PLEKHH2: variants seen among roughly 807,000 people sequenced by gnomAD.
PLEKHH2 encodes pleckstrin homology, MyTH4 and FERM domain containing H2, also known as pleckstrin homology domain-containing family H member 2.
PLEKHH2 carries 129 observed loss-of-function variants against 187.9 expected under a neutral mutation model. The observed-to-expected ratio is 0.69, with a 90% confidence interval of 0.59 to 0.79. The LOEUF (loss-of-function observed/expected upper bound fraction) is 0.79, where lower values mean the gene tolerates loss of function less well. PLEKHH2 is among the 30% of genes least tolerant of loss of function. PLEKHH2 has a pLI of 0.00. For synonymous variants in PLEKHH2, 686 were observed against 605.6 expected (o/e 1.13, Z -1.95); for missense variants, 2,076 against 1,751.2 (o/e 1.19, Z -3.31).
intron 1 of PLEKHH2, among the ~76,000 whole-genome samples, chr2:43,644,406 T>C (rs534619175): frequency 6.6e-6 from 1 of 151,594 alleles, no homozygotes; most frequent in South Asian, 2.1e-4. Context: ...TTTTCTGGAT[T>C]GGCTAAACTG....
rs1422888876 is a variant in PLEKHH2, at chr2:43,643,016, G to A, written c.-3-1655G>A. Among the ~76,000 whole-genome samples, 14 of 152,064 alleles carry A rather than the reference G, an allele frequency of 9.2e-5. No homozygotes were observed. In the East Asian group the frequency reaches 2.7e-3, roughly 29 times the overall value. ...GGCCTACTTTTTATTTTCTAGTATT[G>A]CATCCATATTTTCTTTCCCTGTTCG... On this transcript the variant is annotated intron_variant, in intron 1 of 29. Coordinates refer to ENST00000282406, the MANE Select transcript of PLEKHH2 (RefSeq NM_172069.4).
chr2:43,762,529 T>G (rs573454971), intron 28 of PLEKHH2, 139 bp downstream of exon 28: 7 of 588,164 alleles, frequency 1.2e-5, no homozygotes, highest in Non-Finnish European at 2.1e-5. Flanking sequence ...TCATGAACAG[T>G]CATTTTACAA....
intron 9 of PLEKHH2, among the ~76,000 whole-genome samples, chr2:43,704,662 T>TAAAAAAAAAAAAAAAAAAAAA (rs70965318): frequency 1.2e-5 from 1 of 84,292 alleles, no homozygotes; most frequent in Admixed American, 1.5e-4. Flanking sequence ...GATTCTGTCT[T>TAAAAAAAAAAAAAAAAAAAAA]AAAAAAAAAA....
chr2:43,730,752 T>TA lies in PLEKHH2; in HGVS notation c.2831-737dup, dbSNP rs548489349. Among the ~76,000 whole-genome samples, 32 of 152,348 alleles carry TA rather than the reference T, an allele frequency of 2.1e-4. No homozygotes were observed. The East Asian group carries it at 6.2e-3, about 29-fold the overall frequency. ...CCCACTGAGAGACTAGATTCTATCCTATGCTTTATACGCTAAGAGAGACCA... is the reference window on the plus strand; with the variant it reads ...CCCACTGAGAGACTAGATTCTATCCTAATGCTTTATACGCTAAGAGAGACCA... On this transcript the variant is annotated intron_variant, in intron 18 of 29. Coordinates refer to ENST00000282406, the MANE Select transcript of PLEKHH2 (RefSeq NM_172069.4).
At chr2:43,685,125 CCTAT>C (rs1668436834) in intron 3 of PLEKHH2, among the ~76,000 whole-genome samples, 1 of 152,164 alleles carries the variant, frequency 6.6e-6, no homozygotes, top group Admixed American at 6.5e-5. Context: ...GGGACTGTGG[CCTAT>C]CTGATGTTTA....
rs950695210 is a variant in PLEKHH2 at position 43,766,330 on chromosome 2, A to T, written c.*732A>T. Reference sequence around the variant, plus strand: ...TTCAGAAGAATATTGCCCACATTTCACTGTATTTGGTGCTGGGTCATTTTG... The same window carrying T: ...TTCAGAAGAATATTGCCCACATTTCTCTGTATTTGGTGCTGGGTCATTTTG... On this transcript the variant is annotated 3_prime_UTR_variant, in exon 30 of 30. Coordinates refer to ENST00000282406, the MANE Select transcript of PLEKHH2 (RefSeq NM_172069.4). 3 of 152,738 alleles carry T rather than the reference A, an allele frequency of 2.0e-5. No homozygotes were observed. The highest frequency in any genetic ancestry group is 4.4e-5 in the Non-Finnish European group (3 of 68,026). 9.5% of individuals were successfully genotyped at this position (152,738 alleles called of 1,614,324 possible).
intron 26 of PLEKHH2, among the ~76,000 whole-genome samples, chr2:43,758,401 C>A (rs1264790852): frequency 6.6e-6 from 1 of 152,036 alleles, no homozygotes; most frequent in African/African-American, 2.4e-5. Flanking sequence ...TACAGGCACC[C>A]GCCATCATGC....
In PLEKHH2 at chr2:43,710,573, C is replaced by G; in HGVS notation, c.2299C>G (p.Gln767Glu). 4 of 1,492,122 alleles carry G rather than the reference C, an allele frequency of 2.7e-6. No homozygotes were observed. Among genetic ancestry groups the G allele is most frequent in the Non-Finnish European group, 3.6e-6 (4 of 1,098,566 alleles). The allele number at this position is 1,492,122 out of a possible 1,614,324, so 92.4% of individuals were successfully genotyped here. ...ILRGDNKQTV[Q>E]LTTEKHTYYL... ...AAGAGGAGATAACAAACAAACAGTT[C>G]AGGTACTTAACTTTTTTTTTTTTTT... Residue 767 changes from glutamine (Q) to glutamate (E), a missense_variant and splice_region_variant, in exon 14 of 30, where the codon CAG becomes GAG. Gln to Glu is a conservative substitution (Grantham distance 29). Transcript: ENST00000282406.
In PLEKHH2 at chr2:43,697,162, A is replaced by G. The variant is rs892979717; in HGVS notation, c.503-9A>G. ...ATTCAAATCTTAATTTTGATTAACGATGTTGTAGAAGTTCAAGGAAAGAAG... is the reference window on the plus strand; with the variant it reads ...ATTCAAATCTTAATTTTGATTAACGGTGTTGTAGAAGTTCAAGGAAAGAAG... On this transcript the variant is annotated splice_polypyrimidine_tract_variant and intron_variant, in intron 6 of 29. Transcript: ENST00000282406. 1.9e-6 allele frequency: 3 copies of G among 1,551,846 alleles called. No homozygotes were observed. Among genetic ancestry groups the G allele is most frequent in the East Asian group, 2.3e-5 (1 of 43,756 alleles).
intron 2 of PLEKHH2, among the ~76,000 whole-genome samples, chr2:43,645,027 T>G (rs1055577737): frequency 4.5e-4 from 68 of 152,260 alleles, no homozygotes; most frequent in African/African-American, 1.6e-3. Context: ...TTGGTGAATG[T>G]AGAGTTCATT....
intron 1 of PLEKHH2, among the ~76,000 whole-genome samples, chr2:43,641,351 CATG>C (rs1249677134): frequency 1.3e-5 from 2 of 152,162 alleles, no homozygotes; most frequent in Non-Finnish European, 2.9e-5. Flanking sequence ...AATCCAAGGT[CATG>C]AAGATTTATA....
intron 19 of PLEKHH2, among the ~76,000 whole-genome samples, chr2:43,737,297 C>T (rs1253933333): frequency 1.3e-5 from 2 of 152,142 alleles, no homozygotes; most frequent in Non-Finnish European, 2.9e-5. Context: ...ACCAGGCATA[C>T]AGAGAATCGG....
chr2:43,669,101 G>T (rs928743269), intron 2 of PLEKHH2, among the ~76,000 whole-genome samples: 6 of 152,138 alleles, frequency 3.9e-5, no homozygotes, highest in African/African-American at 7.2e-5. Flanking sequence ...GTTGACTAAG[G>T]CCCCTACTTG....
intron 15 of PLEKHH2, among the ~76,000 whole-genome samples, chr2:43,714,755 T>G (rs1670133515): frequency 6.6e-6 from 1 of 152,176 alleles, no homozygotes; most frequent in Admixed American, 6.5e-5. Context: ...TGAAAGATAC[T>G]AAGATGAATA....
At chr2:43,728,959 A>AT (rs963121079) in intron 17 of PLEKHH2, among the ~76,000 whole-genome samples, 5 of 152,188 alleles carry the variant, frequency 3.3e-5, no homozygotes, top group Admixed American at 2.0e-4. Flanking sequence ...CTGTCACAGT[A>AT]TTTTTTATCA....
intron 4 of PLEKHH2, among the ~76,000 whole-genome samples, chr2:43,693,616 T>C (rs548952300): frequency 5.3e-5 from 8 of 150,364 alleles, no homozygotes; most frequent in Admixed American, 2.0e-4. Flanking sequence ...CCCAGCTACT[T>C]GGGAGGCTGA....
At chr2:43,691,166 T>G (rs1336842238) in intron 3 of PLEKHH2, among the ~76,000 whole-genome samples, 2 of 152,204 alleles carry the variant, frequency 1.3e-5, no homozygotes, top group African/African-American at 4.8e-5. Flanking sequence ...GATTTTTTGC[T>G]TCTTAGCTCA....
chr2:43,657,823 G>T lies in PLEKHH2; in HGVS notation c.123+13027G>T, dbSNP rs186051380. ...AGTATCTGCAGCATTGATAGATACC[G>T]GGCAGACTGGTGTAGGGTGGCGCAG... On this transcript the variant is annotated intron_variant, in intron 2 of 29. Transcript: ENST00000282406. 4.6e-5 allele frequency among the ~76,000 whole-genome samples: 7 copies of T among 152,274 alleles called. No homozygotes were observed. The East Asian group carries it at 1.4e-3, about 29-fold the overall frequency.
intron 1 of PLEKHH2, among the ~76,000 whole-genome samples, chr2:43,641,320 A>G (rs1665908895): frequency 6.6e-6 from 1 of 152,144 alleles, no homozygotes; most frequent in Non-Finnish European, 1.5e-5. Flanking sequence ...TTTAGGTGTC[A>G]TATCTAAGAA....
Sources: allele counts gnomAD v4.1 joint callset (sites outside exome capture counted in the v4.1 genomes callset), GRCh38; gene constraint gnomAD v4.1.1; transcripts MANE v1.5; gene names NCBI Gene and HGNC (gene_info 2026-07-23, HGNC 2026-07-21).